Variants in CCBE1 observed in about 807,000 individuals in gnomAD.
The protein encoded by CCBE1 is collagen and calcium binding EGF domains 1.
CCBE1 carries 37 observed loss-of-function variants against 50.0 expected under a neutral mutation model. The observed-to-expected ratio is 0.74, with a 90% confidence interval of 0.57 to 0.97. CCBE1 has a LOEUF of 0.97. CCBE1 is among the 50% of genes least tolerant of loss of function. CCBE1 has a pLI of 0.00. For synonymous variants in CCBE1, 234 were observed against 203.7 expected (o/e 1.15, Z -1.27); for missense variants, 538 against 523.8 (o/e 1.03, Z -0.26).
At chr18:59,665,379 T>C (rs1289472385) in intron 2 of CCBE1, among the ~76,000 whole-genome samples, 1 of 152,196 alleles carries the variant, frequency 6.6e-6, no homozygotes, top group Non-Finnish European at 1.5e-5. Flanking sequence ...GGCTAGATGG[T>C]TGGGAATTGT....
chr18:59,555,343 G>T (rs1378531824), intron 2 of CCBE1, among the ~76,000 whole-genome samples: 4 of 152,142 alleles, frequency 2.6e-5, no homozygotes, highest in Admixed American at 2.6e-4. Context: ...TATAGTCAAG[G>T]CTATGAAACT....
At chr18:59,644,961 A>G (rs2054036676) in intron 2 of CCBE1, among the ~76,000 whole-genome samples, 1 of 152,224 alleles carries the variant, frequency 6.6e-6, no homozygotes. Context: ...ATACCCATCA[A>G]AACGCTACCC....
rs1044732773 is a variant in CCBE1 at position 59,436,138 on chromosome 18, G to T, written c.991C>A (p.Pro331Thr). 8 of 1,614,100 alleles carry T rather than the reference G, an allele frequency of 5.0e-6. No individual in the cohort carries two copies. The highest frequency in any genetic ancestry group is 1.3e-5 in the African/African-American group (1 of 75,044). The change falls in exon 11 of 11, where the codon CCC becomes ACC. Residue 331 changes from proline to threonine, a missense_variant. Pro to Thr is a conservative substitution (Grantham distance 38). Transcript: ENST00000439986. ...GAPGPRGSPG[P>T]PGSFDFLLLM... ...AGCAGGAAGTCGAAAGAACCAGGGG[G>T]TCCCTGTGTACATGGGAGGAATCAA...
chr18:59,456,653 G>T (rs1911207125), intron 5 of CCBE1, among the ~76,000 whole-genome samples: 1 of 152,180 alleles, frequency 6.6e-6, no homozygotes, highest in African/African-American at 2.4e-5. Context: ...TTAATTTGTG[G>T]CATTTTGCTA....
chr18:59,532,659 C>G (rs1915097215), intron 2 of CCBE1, among the ~76,000 whole-genome samples: 1 of 152,220 alleles, frequency 6.6e-6, no homozygotes, highest in African/African-American at 2.4e-5. Flanking sequence ...AAGAAACATT[C>G]TTGCAGATGT....
chr18:59,489,336 C>T (rs1324256251), intron 2 of CCBE1, among the ~76,000 whole-genome samples: 1 of 152,244 alleles, frequency 6.6e-6, no homozygotes, highest in Non-Finnish European at 1.5e-5. Context: ...CAGACACAGA[C>T]ACTCAGATGG....
At chr18:59,530,481 T>G (rs1468442068) in intron 2 of CCBE1, among the ~76,000 whole-genome samples, 1 of 152,172 alleles carries the variant, frequency 6.6e-6, no homozygotes, top group Non-Finnish European at 1.5e-5. Context: ...TTCTTGAACC[T>G]CACTCTAAAG....
chr18:59,502,952 T>C (rs1448725516), intron 2 of CCBE1, among the ~76,000 whole-genome samples: 1 of 152,182 alleles, frequency 6.6e-6, no homozygotes, highest in Non-Finnish European at 1.5e-5. Context: ...AAAGGAACAG[T>C]GACCAACAAA....
intron 2 of CCBE1, among the ~76,000 whole-genome samples, chr18:59,601,887 CCTT>C (rs1307697770): frequency 6.6e-6 from 1 of 152,178 alleles, no homozygotes; most frequent in Non-Finnish European, 1.5e-5. Flanking sequence ...TCAACACCCT[CCTT>C]GTCACTATTA....
chr18:59,633,646 G>A (rs780261768), intron 2 of CCBE1, among the ~76,000 whole-genome samples: 1 of 151,978 alleles, frequency 6.6e-6, no homozygotes, highest in Non-Finnish European at 1.5e-5. Context: ...TGAGAGAACT[G>A]TCTACATTGT....
At chr18:59,524,941 G>T (rs1914758624) in intron 2 of CCBE1, among the ~76,000 whole-genome samples, 1 of 152,100 alleles carries the variant, frequency 6.6e-6, no homozygotes, top group African/African-American at 2.4e-5. Context: ...CCTTTTAATG[G>T]CTGTATAGTG....
At chr18:59,472,274 G>A (rs776142679) in intron 3 of CCBE1, among the ~76,000 whole-genome samples, 22 of 152,204 alleles carry the variant, frequency 1.4e-4, no homozygotes, top group Non-Finnish European at 2.9e-4. Context: ...GCCTAGAGGC[G>A]GTAGCTGCTT....
At chr18:59,501,995 C>G (rs1913645144) in intron 2 of CCBE1, among the ~76,000 whole-genome samples, 1 of 152,158 alleles carries the variant, frequency 6.6e-6, no homozygotes, top group South Asian at 2.1e-4. Context: ...GACAGCGTCT[C>G]CATATGTTGC....
intron 2 of CCBE1, among the ~76,000 whole-genome samples, chr18:59,660,563 C>G (rs1156482472): frequency 2.0e-5 from 3 of 152,118 alleles, no homozygotes; most frequent in African/African-American, 4.8e-5. Flanking sequence ...TTGTTGTAAA[C>G]AAACTACTTG....
At chr18:59,525,789 C>T (rs1914795152) in intron 2 of CCBE1, among the ~76,000 whole-genome samples, 1 of 152,088 alleles carries the variant, frequency 6.6e-6, no homozygotes. Context: ...TGAAGGGGTC[C>T]AGTTTCGATT....
At chr18:59,529,658 C>T (rs188334319) in intron 2 of CCBE1, among the ~76,000 whole-genome samples, 7 of 152,246 alleles carry the variant, frequency 4.6e-5, no homozygotes, top group African/African-American at 1.7e-4. Context: ...ACCCTGTTTT[C>T]ACTCTTCATG....
chr18:59,658,749 G>A (rs934406648), intron 2 of CCBE1, among the ~76,000 whole-genome samples: 39 of 151,108 alleles, frequency 2.6e-4, no homozygotes, highest in East Asian at 7.9e-4. Flanking sequence ...GCGTGGTAGC[G>A]TGTACCTATA....
At chr18:59,524,879 G>A (rs1191833982) in intron 2 of CCBE1, among the ~76,000 whole-genome samples, 1 of 152,140 alleles carries the variant, frequency 6.6e-6, no homozygotes, top group Middle Eastern at 3.2e-3. Context: ...AGTTTGCTGA[G>A]GATAATGGCT....
chr18:59,485,435 C>T lies in CCBE1; in HGVS notation c.213-5197G>A, dbSNP rs555184163. Among the ~76,000 whole-genome samples, 3 of 151,890 alleles carry T rather than the reference C, an allele frequency of 2.0e-5. No individual in the cohort carries two copies. The South Asian group carries it at 6.2e-4, about 32-fold the overall frequency. On this transcript the variant is annotated intron_variant, in intron 2 of 10. Transcript: ENST00000439986. ...AGAAAAGAATTTTAAAAATAACTTCCTATAGTATTAGAAGACTAAAAGTGA... is the reference window on the plus strand; with the variant it reads ...AGAAAAGAATTTTAAAAATAACTTCTTATAGTATTAGAAGACTAAAAGTGA...
Sources: allele counts gnomAD v4.1 joint callset (sites outside exome capture counted in the v4.1 genomes callset), GRCh38; gene constraint gnomAD v4.1.1; transcripts MANE v1.5; gene names NCBI Gene and HGNC (gene_info 2026-07-23, HGNC 2026-07-21).